Variants in PAICS observed in about 807,000 individuals in gnomAD.
PAICS encodes phosphoribosylaminoimidazole carboxylase and phosphoribosylaminoimidazolesuccinocarboxamide synthase.
Under a neutral mutation model 53.7 loss-of-function variants are expected in PAICS, and 33 were observed. That is an observed-to-expected ratio of 0.61 (90% CI 0.47 to 0.82). The LOEUF is 0.82. Among genes scored for constraint, PAICS ranks in the 40% least tolerant of loss-of-function variants. The probability of loss-of-function intolerance (pLI) is 0.00; values close to 1 mark genes in which losing one functional copy is unlikely to be tolerated. For synonymous variants in PAICS, 141 were observed against 167.2 expected, an observed-to-expected ratio of 0.84 and a Z score of 1.21; for missense variants, 394 against 494.1, an observed-to-expected ratio of 0.80 and a Z score of 1.92.
the PAICS span, among the ~76,000 whole-genome samples, chr4:56,417,502 C>T: frequency 6.6e-6 from 1 of 152,074 alleles, no homozygotes; most frequent in Non-Finnish European, 1.5e-5. Flanking sequence ...TAAATTATGG[C>T]CAGGCACAGT....
chr4:56,436,197 C>T (rs562169887), upstream of PAICS: 1 of 1,524,044 alleles, frequency 6.6e-7, no homozygotes, highest in Non-Finnish European at 8.8e-7. Flanking sequence ...AAGAGTGGCG[C>T]AGGGTCGCGC....
upstream of PAICS, chr4:56,435,551 C>T: frequency 6.2e-7 from 1 of 1,606,746 alleles, no homozygotes; most frequent in Non-Finnish European, 8.5e-7. Flanking sequence ...GCCAGCTCGG[C>T]CCGTCGAGCT....
chr4:56,436,237 C>G (rs570846311), upstream of PAICS: 1 of 1,547,382 alleles, frequency 6.5e-7, no homozygotes, highest in East Asian at 2.4e-5. Context: ...CCCAGCGAAG[C>G]TCTCTGACCA....
chr4:56,434,127 C>T (rs1251307244), upstream of PAICS, among the ~76,000 whole-genome samples: 6 of 152,066 alleles, frequency 3.9e-5, no homozygotes, highest in Non-Finnish European at 8.8e-5. Flanking sequence ...TATGGTCAAC[C>T]CACAATTATC....
chr4:56,444,897 T>G (rs1397827667), intron 2 of PAICS, among the ~76,000 whole-genome samples: 1 of 152,156 alleles, frequency 6.6e-6, no homozygotes, highest in Non-Finnish European at 1.5e-5. Context: ...AATATGTGAC[T>G]AATGATTAAC....
At chr4:56,431,031 CTT>C (rs1351198928), upstream of PAICS, among the ~76,000 whole-genome samples, 4 of 151,998 alleles carry the variant, frequency 2.6e-5, no homozygotes, top group Non-Finnish European at 5.9e-5. Flanking sequence ...ATTGAAAACA[CTT>C]ATTTTAAAGC....
intron 8 of PAICS, among the ~76,000 whole-genome samples, chr4:56,455,622 G>T (rs1480565185): frequency 6.6e-6 from 1 of 152,182 alleles, no homozygotes; most frequent in African/African-American, 2.4e-5. Flanking sequence ...TATCTAAAAT[G>T]TGTATATTGA....
chr4:56,431,212 T>G (rs1717567340), upstream of PAICS, among the ~76,000 whole-genome samples: 1 of 152,214 alleles, frequency 6.6e-6, no homozygotes, highest in Non-Finnish European at 1.5e-5. Flanking sequence ...TTTGATCATT[T>G]TCAGTCAAAT....
intron 1 of PAICS, among the ~76,000 whole-genome samples, chr4:56,438,792 A>C (rs1378473130): frequency 6.6e-6 from 1 of 152,116 alleles, no homozygotes; most frequent in Non-Finnish European, 1.5e-5. Flanking sequence ...CAAGATGAAA[A>C]ATTCTTTAGA....
At chr4:56,415,983 T>C in the PAICS span, among the ~76,000 whole-genome samples, 1 of 151,770 alleles carries the variant, frequency 6.6e-6, no homozygotes, top group South Asian at 2.1e-4. Context: ...GGCAGGAGAA[T>C]TGCTTGAACC....
chr4:56,446,662 A>G (rs543332899), intron 2 of PAICS, 33 bp from the exon 3 acceptor site: 4 of 1,376,766 alleles, frequency 2.9e-6, no homozygotes, highest in Middle Eastern at 3.6e-4. Context: ...TATCATTTCA[A>G]TACCTTTTTT....
chr4:56,451,001 TAG>T (rs1012669599), intron 6 of PAICS: 1 of 220,460 alleles, frequency 4.5e-6, no homozygotes, highest in Non-Finnish European at 9.0e-6. Flanking sequence ...GTATTTTTAG[TAG>T]AGACGGGGTT....
the PAICS span, among the ~76,000 whole-genome samples, chr4:56,429,781 C>A: frequency 3.9e-5 from 6 of 152,234 alleles, no homozygotes; most frequent in Admixed American, 3.9e-4. Flanking sequence ...GCCTCCCAGT[C>A]ATTAATCATC....
rs369183397 is a variant in PAICS, at chr4:56,446,793, A to G, written c.313A>G (p.Thr105Ala). The G allele has an allele frequency of 1.7e-5, 28 of 1,608,932 alleles. 1 individual carries two copies. In the African/African-American group the frequency reaches 3.2e-4, roughly 18 times the overall value. ...PIEWVCRRIA[T>A]GSFLKRNPGV... ...TGAATGGGTTTGCAGAAGAATAGCA[A>G]CTGGTTCTTTTCTCAAAAGAAATCC... is the stretch of plus-strand genomic sequence containing the variant. Residue 105 changes from threonine (T) to alanine (A), a missense_variant, in exon 3 of 9, where the codon ACT becomes GCT. Physicochemically the swap from Thr to Ala is moderately conservative, Grantham distance 58. Coordinates refer to ENST00000512576, the MANE Select transcript of PAICS (RefSeq NM_001079524.2).
chr4:56,441,896 C>G, intron 2 of PAICS, 36 bp downstream of exon 2: 1 of 1,377,528 alleles, frequency 7.3e-7, no homozygotes, highest in Non-Finnish European at 1.0e-6. Flanking sequence ...CTCTCACCTT[C>G]TCTGGTAAGC....
chr4:56,439,045 G>C (rs1013702376), intron 1 of PAICS, among the ~76,000 whole-genome samples: 1 of 152,004 alleles, frequency 6.6e-6, no homozygotes, highest in Admixed American at 6.6e-5. Context: ...GTACTTGCAG[G>C]GTATGTCACG....
At chr4:56,453,498 T>C in intron 7 of PAICS, 105 bp from the exon 8 acceptor site, 1 of 606,306 alleles carries the variant, frequency 1.6e-6, no homozygotes. Context: ...TTCAAGGACC[T>C]CAAGTAATTA....
At chr4:56,440,212 G>C (rs1718267352) in intron 1 of PAICS, among the ~76,000 whole-genome samples, 1 of 152,192 alleles carries the variant, frequency 6.6e-6, no homozygotes, top group Non-Finnish European at 1.5e-5. Context: ...GATTGTATAA[G>C]AATTAAAGAT....
rs544738787 is a variant in PAICS at position 56,463,275 on chromosome 4, C to G, written c.*3737C>G. On this transcript the variant is annotated 3_prime_UTR_variant, in exon 9 of 9. Coordinates refer to ENST00000512576, the MANE Select transcript of PAICS (RefSeq NM_001079524.2). ...ATGGAAATCAAGTTATAAAATGGAG[C>G]TAAATATTTCTTCTGCTTGCCTCTG... 2 of 151,916 alleles carry G rather than the reference C, an allele frequency of 1.3e-5. No homozygotes were observed. Among genetic ancestry groups the G allele is most frequent in the South Asian group, 4.2e-4 (2 of 4,812 alleles). 9.4% of individuals were successfully genotyped at this position (151,916 alleles called of 1,614,324 possible).
Sources: allele counts gnomAD v4.1 joint callset (sites outside exome capture counted in the v4.1 genomes callset), GRCh38; gene constraint gnomAD v4.1.1; transcripts MANE v1.5; gene names NCBI Gene and HGNC (gene_info 2026-07-23, HGNC 2026-07-21).